The following CEP350 variants were observed in gnomAD, a reference collection of about 807,000 sequenced individuals.
The protein encoded by CEP350 is centrosome-associated protein 350.
CEP350 carries 126 observed loss-of-function variants against 331.8 expected under a neutral mutation model. That is an observed-to-expected ratio of 0.38 (90% CI 0.33 to 0.44). The LOEUF is 0.44. Among genes scored for constraint, CEP350 ranks in the 20% least tolerant of loss-of-function variants. The pLI, the probability that CEP350 is intolerant of heterozygous loss-of-function variation, is 1.00. For synonymous variants in CEP350, 1,200 were observed against 1,259.5 expected (o/e 0.95, Z 1.00); for missense variants, 3,406 against 3,634.6 (o/e 0.94, Z 1.62).
At chr1:179,955,207 C>A in intron 1 of CEP350, 65 bp downstream of exon 1, 1 of 1,225,464 alleles carries the variant, frequency 8.2e-7, no homozygotes, top group Non-Finnish European at 1.0e-6. Flanking sequence ...TCTCTGTCCG[C>A]GGTCCCGGGT....
At position 180,114,131 on chromosome 1, in the gene CEP350, T is replaced by G. The variant is rs1349635775; in HGVS notation, c.*2970T>G. ...TGAGAAATTATCTTTCAAAAGAGAT[T>G]TCATTGCTCATAAGAGTGTTGTGGC... is the stretch of plus-strand genomic sequence containing the variant. On this transcript the variant is annotated 3_prime_UTR_variant, in exon 38 of 38. Transcript: ENST00000367607. 1 of 152,646 alleles carries G rather than the reference T, an allele frequency of 6.6e-6. No homozygotes were observed. The highest frequency in any genetic ancestry group is 2.4e-5 in the African/African-American group (1 of 41,464). The allele number at this position is 152,646 out of a possible 1,614,324, so 9.5% of individuals were successfully genotyped here. A position where few individuals can be genotyped will look rare whatever the true frequency, so the allele number is the denominator to read the frequency against.
chr1:180,096,544 G>C (rs970639657), intron 36 of CEP350, among the ~76,000 whole-genome samples: 2 of 152,092 alleles, frequency 1.3e-5, no homozygotes, highest in African/African-American at 4.8e-5. Context: ...TTTAGAGATA[G>C]GTATAATGTT....
rs576479508 is a variant in CEP350 at position 180,098,948 on chromosome 1, T to G, written c.9152T>G (p.Phe3051Cys). The change falls in exon 37 of 38, where the codon TTT becomes TGT. Residue 3051 changes from phenylalanine (F) to cysteine (C), a missense_variant. Phe to Cys is a radical substitution (Grantham distance 205). This residue lies in a region of CEP350 where 1,415 missense variants were observed against 1,512.3 expected (regional missense o/e 0.94). Coordinates refer to ENST00000367607, the MANE Select transcript of CEP350 (RefSeq NM_014810.5). ...ACAGATTGGCAGAAAATGATGAAAT[T>G]TGGAAGAAAGAAAAGAGACCGAGTG... ...HKTDWQKMMK[F>C]GRKKRDRVDH... 3 of 1,613,600 alleles carry G rather than the reference T, an allele frequency of 1.9e-6. No individual in the cohort carries two copies. The South Asian group carries it at 3.3e-5, about 18-fold the overall frequency.
chr1:180,021,042 T>C, intron 12 of CEP350, 33 bp downstream of exon 12: 1 of 1,428,524 alleles, frequency 7.0e-7, no homozygotes, highest in Non-Finnish European at 9.2e-7. Flanking sequence ...GTACTGTTTG[T>C]ATATTAAGAT....
Position 180,113,538 on chromosome 1 carries a change from T to A in CEP350, c.*2377T>A, listed in dbSNP as rs1304514476. 6.6e-6 allele frequency: 1 copy of A among 151,208 alleles called. No individual in the cohort carries two copies. The highest frequency in any genetic ancestry group is 1.5e-5 in the Non-Finnish European group (1 of 67,844). The allele number at this position is 151,208 out of a possible 1,614,324, so 9.4% of individuals were successfully genotyped here. On this transcript the variant is annotated 3_prime_UTR_variant, in exon 38 of 38. Coordinates refer to ENST00000367607, the MANE Select transcript of CEP350 (RefSeq NM_014810.5). ...GCAGAAATGGATCAGTCTTATTCTT[T>A]TCTAGAAATGGTTATCTGTAGTTTG...
intron 1 of CEP350, among the ~76,000 whole-genome samples, chr1:179,974,148 C>T (rs912113460): frequency 2.0e-5 from 3 of 151,672 alleles, no homozygotes; most frequent in Admixed American, 6.6e-5. Flanking sequence ...GGCGTGATCT[C>T]GGCTCACTGC....
At chr1:179,962,851 T>C (rs1039550713) in intron 1 of CEP350, among the ~76,000 whole-genome samples, 1 of 152,218 alleles carries the variant, frequency 6.6e-6, no homozygotes, top group African/African-American at 2.4e-5. Context: ...GTGGGAATGC[T>C]GGGTCTAATG....
At chr1:179,958,183 GTTAAC>G (rs1352200481) in intron 1 of CEP350, among the ~76,000 whole-genome samples, 2 of 150,708 alleles carry the variant, frequency 1.3e-5, no homozygotes, top group Non-Finnish European at 2.9e-5. Context: ...AATCCAAAGT[GTTAAC>G]TTAAAAATGA....
rs754293784 is a variant in CEP350, at chr1:180,044,080, G to A, written c.4529G>A (p.Ser1510Asn). 21 of 1,554,300 alleles carry A rather than the reference G, an allele frequency of 1.4e-5. No homozygotes were observed. The East Asian group carries it at 3.6e-4, about 27-fold the overall frequency. Residue 1510 changes from serine to asparagine, a missense_variant, in exon 21 of 38, where the codon AGT becomes AAT. Coordinates refer to ENST00000367607, the MANE Select transcript of CEP350 (RefSeq NM_014810.5). ...AGTCCATCTGTTTCACTCTCTCAGA[G>A]TAAAGAAGGGACCCTTGACTCAAAG... The part of the protein sequence containing the change: ...RKSPSVSLSQ[S>N]KEGTLDSKHQ...
chr1:180,091,750 C>T (rs76425099), intron 33 of CEP350, among the ~76,000 whole-genome samples: 18,145 of 151,692 alleles, frequency 0.12, 1,172 homozygotes, highest in South Asian at 0.16. Context: ...AGATCGCTTA[C>T]ACCCAAGCAG....
chr1:180,033,716 T>A (rs912728319), intron 15 of CEP350, 146 bp from the exon 16 acceptor site: 1 of 771,566 alleles, frequency 1.3e-6, no homozygotes, highest in Non-Finnish European at 2.1e-6. Flanking sequence ...TTCAGCATAG[T>A]GATTATATTA....
chr1:180,016,745 T>C (rs1270491992), intron 11 of CEP350, among the ~76,000 whole-genome samples: 3 of 146,074 alleles, frequency 2.1e-5, no homozygotes, highest in African/African-American at 7.5e-5. Flanking sequence ...CACTGCAACC[T>C]CCGCCTCCCA....
chr1:180,079,612 GATA>G (rs964234927), intron 29 of CEP350, among the ~76,000 whole-genome samples: 1 of 151,712 alleles, frequency 6.6e-6, no homozygotes, highest in African/African-American at 2.4e-5. Flanking sequence ...CTTATTATAT[GATA>G]ATATTAGACT....
Position 180,048,662 on chromosome 1 carries a change from T to G in CEP350, c.4749T>G (p.Asp1583Glu), listed in dbSNP as rs773420387. Reference sequence around the variant, plus strand: ...AACAGGTTCAGACTGCTGCAGATGATTCTCTACGAAGTGATAGTGTTCCAT... The same window carrying G: ...AACAGGTTCAGACTGCTGCAGATGAGTCTCTACGAAGTGATAGTGTTCCAT... ...IDEQVQTAAD[D>E]SLRSDSVPSL... is the part of the protein sequence containing the mutation. Residue 1583 changes from aspartate to glutamate, a missense_variant, in exon 22 of 38, where the codon GAT (aspartate) becomes GAG (glutamate). By Grantham distance (45) the Asp-to-Glu change is conservative. Coordinates refer to ENST00000367607, the MANE Select transcript of CEP350 (RefSeq NM_014810.5). 3 of 1,612,810 alleles carry G rather than the reference T, an allele frequency of 1.9e-6. No homozygotes were observed. Among genetic ancestry groups the G allele is most frequent in the Middle Eastern group, 1.7e-4 (1 of 6,056 alleles).
intron 1 of CEP350, among the ~76,000 whole-genome samples, chr1:179,982,813 A>G (rs1652377019): frequency 6.6e-6 from 1 of 152,162 alleles, no homozygotes; most frequent in Non-Finnish European, 1.5e-5. Context: ...TGTTGTTGAG[A>G]TGGAGTCTTG....
At chr1:180,048,901 C>T (rs549717207) in intron 22 of CEP350, among the ~76,000 whole-genome samples, 196 bp downstream of exon 22, 7 of 152,090 alleles carry the variant, frequency 4.6e-5, no homozygotes, top group South Asian at 2.1e-4. Context: ...AGACCTCTGT[C>T]GCTACAAAAA....
intron 13 of CEP350, among the ~76,000 whole-genome samples, chr1:180,023,397 G>T (rs570794391): frequency 1.2e-4 from 19 of 152,288 alleles, no homozygotes; most frequent in Non-Finnish European, 1.6e-4. Context: ...ATTATTCCAT[G>T]CTATACTAAC....
intron 1 of CEP350, among the ~76,000 whole-genome samples, chr1:179,975,652 A>G (rs1223544096): frequency 1.3e-5 from 2 of 152,186 alleles, no homozygotes; most frequent in African/African-American, 2.4e-5. Context: ...AGGAATGTCA[A>G]AGATGAATTG....
chr1:180,114,716 C>T lies in CEP350; in HGVS notation c.*3555C>T, dbSNP rs1661597659. Reference sequence around the variant, plus strand: ...GGCCATTTTCAGCCAATAGTCACATCCAGTGCAATTTTGCACCGAACACTT... The same window carrying T: ...GGCCATTTTCAGCCAATAGTCACATTCAGTGCAATTTTGCACCGAACACTT... On this transcript the variant is annotated 3_prime_UTR_variant, in exon 38 of 38. Coordinates refer to ENST00000367607, the MANE Select transcript of CEP350 (RefSeq NM_014810.5). 1 of 152,616 alleles carries T rather than the reference C, an allele frequency of 6.6e-6. No individual in the cohort carries two copies. Among genetic ancestry groups the T allele is most frequent in the Non-Finnish European group, 1.5e-5 (1 of 68,032 alleles). 9.5% of individuals were successfully genotyped at this position (152,616 alleles called of 1,614,324 possible). A position where few individuals can be genotyped will look rare whatever the true frequency, so the allele number is the denominator to read the frequency against.
Sources: allele counts gnomAD v4.1 joint callset (sites outside exome capture counted in the v4.1 genomes callset), GRCh38; gene constraint gnomAD v4.1.1; regional missense constraint gnomAD v4.1.1; transcripts MANE v1.5; gene names NCBI Gene and HGNC (gene_info 2026-07-23, HGNC 2026-07-21).